The following RGS7 variants were observed in gnomAD, a reference collection of about 807,000 sequenced individuals.
The protein encoded by RGS7 is regulator of G protein signaling 7.
Under a neutral mutation model 81.1 loss-of-function variants are expected in RGS7, and 27 were observed. The ratio of observed to expected loss-of-function variants is 0.33; its 90% CI spans 0.25 to 0.46. RGS7 has a LOEUF of 0.46. Ranked by LOEUF, RGS7 falls within the 20% of genes least tolerant of loss-of-function variation. The pLI is 1.00. For synonymous variants in RGS7, 208 were observed against 207.7 expected (o/e 1.00, Z -0.01); for missense variants, 396 against 607.4 (o/e 0.65, Z 3.66).
intron 10 of RGS7, chr1:240,822,959 A>ATT: frequency 2.0e-6 from 1 of 492,542 alleles, no homozygotes; most frequent in Non-Finnish European, 3.7e-6. Flanking sequence ...TAAATAATAC[A>ATT]TTTTTTTTCA....
chr1:240,793,509 T>C (rs1686369309), intron 18 of RGS7, among the ~76,000 whole-genome samples: 1 of 150,838 alleles, frequency 6.6e-6, no homozygotes, highest in Non-Finnish European at 1.5e-5. Context: ...ACACATTTCA[T>C]ATGCTTGCTG....
intron 10 of RGS7, among the ~76,000 whole-genome samples, chr1:240,821,408 C>T (rs1385036666): frequency 2.0e-5 from 3 of 152,116 alleles, no homozygotes; most frequent in East Asian, 1.9e-4. Flanking sequence ...GCCGAGATCC[C>T]GCCACTGCAC....
At chr1:240,793,603 ATATATATATTTTT>A in intron 18 of RGS7, among the ~76,000 whole-genome samples, 1 of 97,280 alleles carries the variant, frequency 1.0e-5, no homozygotes, top group East Asian at 2.4e-4. Context: ...ATATATATAT[ATATATATATTTTT>A]TTTTTTTTTT....
chr1:241,019,438 T>C (rs1412064651), intron 3 of RGS7, among the ~76,000 whole-genome samples: 1 of 152,108 alleles, frequency 6.6e-6, no homozygotes, highest in African/African-American at 2.4e-5. Flanking sequence ...ACATGTGCCA[T>C]GTTGGTTTGC....
intron 9 of RGS7, among the ~76,000 whole-genome samples, chr1:240,863,335 C>G (rs1015089153): frequency 1.3e-5 from 2 of 152,010 alleles, no homozygotes; most frequent in Admixed American, 1.3e-4. Context: ...ATTAGCTGGG[C>G]GTGGTGGCAT....
intron 2 of RGS7, among the ~76,000 whole-genome samples, chr1:241,279,783 G>A (rs1190972225): frequency 6.6e-6 from 1 of 152,054 alleles, no homozygotes; most frequent in Non-Finnish European, 1.5e-5. Flanking sequence ...TGAAATTTCA[G>A]GAATTTTACA....
intron 3 of RGS7, among the ~76,000 whole-genome samples, chr1:240,984,680 G>A (rs563733407): frequency 8.0e-4 from 121 of 152,182 alleles, no homozygotes; most frequent in Non-Finnish European, 1.2e-3. Flanking sequence ...TCAAACTTCA[G>A]TGTGAACCAA....
intron 2 of RGS7, among the ~76,000 whole-genome samples, chr1:241,142,809 A>G (rs1247090249): frequency 6.6e-6 from 1 of 152,222 alleles, no homozygotes; most frequent in African/African-American, 2.4e-5. Flanking sequence ...TTCTCCTCAG[A>G]AAACGGGATT....
At chr1:241,183,241 A>G (rs747770337) in intron 2 of RGS7, among the ~76,000 whole-genome samples, 1 of 152,196 alleles carries the variant, frequency 6.6e-6, no homozygotes, top group African/African-American at 2.4e-5. Flanking sequence ...TTCTTCTGAA[A>G]ATTTCCATTA....
intron 2 of RGS7, among the ~76,000 whole-genome samples, chr1:241,134,608 G>A (rs891728632): frequency 9.2e-5 from 14 of 152,288 alleles, no homozygotes; most frequent in African/African-American, 2.9e-4. Context: ...CCATAGAAGC[G>A]GAAGTCACTC....
intron 3 of RGS7, among the ~76,000 whole-genome samples, chr1:241,085,912 C>T (rs2063408981): frequency 6.6e-6 from 1 of 152,188 alleles, no homozygotes; most frequent in East Asian, 1.9e-4. Context: ...TGGTTACTTA[C>T]AAGCGGTCTT....
chr1:241,009,484 G>C (rs1301600695), intron 3 of RGS7, among the ~76,000 whole-genome samples: 1 of 152,196 alleles, frequency 6.6e-6, no homozygotes, highest in Non-Finnish European at 1.5e-5. Flanking sequence ...GCAGATCTCA[G>C]ATAAACAGCA....
Position 240,870,039 on chromosome 1 carries a change from G to A in RGS7, c.450+16C>T. On this transcript the variant is annotated intron_variant, in intron 7 of 18. Coordinates refer to ENST00000440928, the MANE Select transcript of RGS7 (RefSeq NM_001364886.1). ...CATTCTATGACTATCTTTGCCAGAA[G>A]GTCCTTGGTACTTACAGCCTCATAG... The A allele has an allele frequency of 1.2e-6, 2 of 1,610,990 alleles. No individual in the cohort carries two copies. Among genetic ancestry groups the A allele is most frequent in the South Asian group, 1.1e-5 (1 of 91,000 alleles).
chr1:241,272,054 C>T (rs1189932348), intron 2 of RGS7, among the ~76,000 whole-genome samples: 2 of 150,862 alleles, frequency 1.3e-5, no homozygotes, highest in East Asian at 1.9e-4. Flanking sequence ...AGTGCAGTGG[C>T]GCAATCTCAG....
chr1:241,332,473 C>A (rs188800449), intron 2 of RGS7, among the ~76,000 whole-genome samples: 5 of 152,140 alleles, frequency 3.3e-5, no homozygotes, highest in Non-Finnish European at 7.4e-5. Context: ...GGTGTCCAAC[C>A]AAGACTTCCT....
At chr1:241,064,378 G>T (rs1367503166) in intron 3 of RGS7, among the ~76,000 whole-genome samples, 1 of 130,404 alleles carries the variant, frequency 7.7e-6, no homozygotes. Context: ...TTGAGCCCAG[G>T]AATTGGAGAA....
At chr1:241,106,107 T>A (rs2065079898) in intron 2 of RGS7, among the ~76,000 whole-genome samples, 1 of 152,228 alleles carries the variant, frequency 6.6e-6, no homozygotes, top group Non-Finnish European at 1.5e-5. Context: ...CATTTACACT[T>A]CTGAATTCAT....
At chr1:240,901,664 G>C (rs1049839196) in intron 6 of RGS7, among the ~76,000 whole-genome samples, 1 of 152,078 alleles carries the variant, frequency 6.6e-6, no homozygotes, top group Non-Finnish European at 1.5e-5. Flanking sequence ...GGGTTGGTTG[G>C]CATAGTTATA....
At chr1:241,285,464 G>A (rs141279004) in intron 2 of RGS7, among the ~76,000 whole-genome samples, 64 of 152,226 alleles carry the variant, frequency 4.2e-4, no homozygotes, top group African/African-American at 1.5e-3. Context: ...AATAGAGGAC[G>A]CTATTCCTAC....
Sources: gnomAD v4.1 joint callset for allele counts (sites outside exome capture counted in the v4.1 genomes callset) on GRCh38, gnomAD v4.1.1 for gene constraint, MANE v1.5 for transcripts, NCBI Gene and HGNC (gene_info 2026-07-23, HGNC 2026-07-21) for gene names.